The following CCDC146 variants were observed in gnomAD, a reference collection of about 807,000 sequenced individuals.
CCDC146 encodes the protein coiled-coil domain-containing protein 146.
A neutral mutation model predicts 119.3 loss-of-function variants in CCDC146; 92 were observed. The observed-to-expected ratio is 0.77, with a 90% confidence interval of 0.65 to 0.92. CCDC146 has a LOEUF of 0.92. CCDC146 is among the 40% of genes least tolerant of loss of function. CCDC146 has a pLI of 0.00. For synonymous variants in CCDC146, 372 were observed against 371.8 expected (o/e 1.00, Z -0.01); for missense variants, 1,000 against 1,103.0 (o/e 0.91, Z 1.32).
intron 9 of CCDC146, among the ~76,000 whole-genome samples, chr7:77,263,020 A>G (rs1434072477): frequency 6.6e-6 from 1 of 152,210 alleles, no homozygotes; most frequent in Non-Finnish European, 1.5e-5. Context: ...TGAAGCAGCT[A>G]GGTGTATAGA....
chr7:77,206,671 A>G (rs1306993958), intron 2 of CCDC146, among the ~76,000 whole-genome samples: 2 of 148,308 alleles, frequency 1.3e-5, no homozygotes, highest in Non-Finnish European at 3.0e-5. Context: ...ATATATATAT[A>G]TACACACACA....
chr7:77,143,848 G>A (rs1355137337), intron 1 of CCDC146, among the ~76,000 whole-genome samples: 12 of 151,732 alleles, frequency 7.9e-5, no homozygotes, highest in East Asian at 1.9e-4. Context: ...GTAAGGTAGC[G>A]TGATGCCTCC....
In CCDC146 at chr7:77,280,533, A is replaced by G; in HGVS notation, c.1799A>G (p.Glu600Gly). The G allele has an allele frequency of 6.2e-7, 1 of 1,614,204 alleles. No individual in the cohort carries two copies. The highest frequency in any genetic ancestry group is 1.1e-5 in the South Asian group (1 of 91,078). Reference sequence around the variant, plus strand: ...GTATCAAAACTTCAGGAAATGAAAGAAAAGAAGGAAGCCCAGTTAAATAAC... The same window carrying G: ...GTATCAAAACTTCAGGAAATGAAAGGAAAGAAGGAAGCCCAGTTAAATAAC... ...KIVSKLQEMKEKKEAQLNNID... is the reference protein window; with the variant it reads ...KIVSKLQEMKGKKEAQLNNID... The change falls in exon 14 of 19, where the codon GAA (glutamate) becomes GGA (glycine). Residue 600 changes from glutamate (E) to glycine (G), a missense_variant. Glu to Gly is a moderately conservative substitution (Grantham distance 98, BLOSUM62 -2). Transcript: ENST00000285871.
At chr7:77,167,949 T>G (rs1454769200) in intron 2 of CCDC146, 125 bp downstream of exon 2, 1 of 1,280,066 alleles carries the variant, frequency 7.8e-7, no homozygotes, top group Non-Finnish European at 1.0e-6. Context: ...TATTTACAAC[T>G]TGATACACTA....
chr7:77,127,224 G>A (rs1359585889), intron 1 of CCDC146, among the ~76,000 whole-genome samples: 1 of 152,148 alleles, frequency 6.6e-6, no homozygotes, highest in East Asian at 1.9e-4. Context: ...CATGTTGTGG[G>A]AGGCCCAGGT....
At chr7:77,127,296 G>A (rs1562809333) in intron 1 of CCDC146, among the ~76,000 whole-genome samples, 1 of 152,108 alleles carries the variant, frequency 6.6e-6, no homozygotes, top group Non-Finnish European at 1.5e-5. Flanking sequence ...CCTGTTCCCA[G>A]CCCCACTTCA....
intron 1 of CCDC146, among the ~76,000 whole-genome samples, chr7:77,123,283 G>T (rs1324033317): frequency 2.0e-5 from 3 of 150,910 alleles, no homozygotes; most frequent in African/African-American, 7.3e-5. Flanking sequence ...ATGGTGCGGT[G>T]GAAAGAGCAG....
At chr7:77,237,176 C>T in intron 3 of CCDC146, 147 bp downstream of exon 3, 1 of 648,092 alleles carries the variant, frequency 1.5e-6, no homozygotes, top group Non-Finnish European at 2.8e-6. Context: ...TACGAGAAAG[C>T]ATCGTGAGAG....
chr7:77,154,181 G>A (rs1791147377), intron 1 of CCDC146, among the ~76,000 whole-genome samples: 2 of 152,110 alleles, frequency 1.3e-5, no homozygotes, highest in South Asian at 4.1e-4. Flanking sequence ...TGCTGTACGA[G>A]ATAATTTTTA....
intron 2 of CCDC146, among the ~76,000 whole-genome samples, chr7:77,186,175 A>C (rs1791663553): frequency 6.6e-6 from 1 of 152,220 alleles, no homozygotes; most frequent in South Asian, 2.1e-4. Context: ...CAGTGTATCA[A>C]AGATACATCT....
At chr7:77,195,078 T>G (rs1791840177) in intron 2 of CCDC146, 1 of 152,194 alleles carries the variant, frequency 6.6e-6, no homozygotes, top group Non-Finnish European at 1.5e-5. Flanking sequence ...AGTGAATCAC[T>G]TAATGATATT....
At chr7:77,128,916 G>C (rs1456717857) in intron 1 of CCDC146, among the ~76,000 whole-genome samples, 2 of 151,996 alleles carry the variant, frequency 1.3e-5, no homozygotes, top group African/African-American at 4.8e-5. Flanking sequence ...ATAACAAAAG[G>C]GGCCCACAAA....
intron 2 of CCDC146, among the ~76,000 whole-genome samples, chr7:77,219,121 T>A (rs1353785398): frequency 2.6e-5 from 4 of 152,156 alleles, no homozygotes; most frequent in Non-Finnish European, 5.9e-5. Flanking sequence ...AAACTATCAG[T>A]AACAACTGGA....
At chr7:77,286,385 C>A (rs1438792436) in intron 15 of CCDC146, among the ~76,000 whole-genome samples, 1 of 152,166 alleles carries the variant, frequency 6.6e-6, no homozygotes, top group Non-Finnish European at 1.5e-5. Flanking sequence ...TCTCACCCAG[C>A]CCCACCACCA....
At chr7:77,126,961 G>A (rs1415169674) in intron 1 of CCDC146, among the ~76,000 whole-genome samples, 1 of 152,030 alleles carries the variant, frequency 6.6e-6, no homozygotes, top group South Asian at 2.1e-4. Context: ...TCTGCCTCCC[G>A]CTGCCATTCA....
chr7:77,250,060 C>T (rs1793029129), intron 4 of CCDC146, among the ~76,000 whole-genome samples: 1 of 152,090 alleles, frequency 6.6e-6, no homozygotes, highest in Admixed American at 6.5e-5. Flanking sequence ...AACACTATAC[C>T]ACTTCAAGTA....
intron 2 of CCDC146, among the ~76,000 whole-genome samples, chr7:77,226,194 G>A (rs1010933708): frequency 1.3e-5 from 2 of 152,000 alleles, no homozygotes; most frequent in Admixed American, 6.6e-5. Context: ...TGGCCGTATT[G>A]TTTATTTCCA....
In CCDC146 at chr7:77,263,695, C is replaced by T. The variant is rs113240577; in HGVS notation, c.1173+1388C>T. 6.0e-3 allele frequency among the ~76,000 whole-genome samples: 910 copies of T among 152,230 alleles called. 7 individuals are homozygous for T. The highest frequency in any genetic ancestry group is 0.02 in the African/African-American group (843 of 41,550). ...TCCCAGCACTTTGGGAGGCCGAGGT[C>T]GGCAGATCACCTGAGGTCAGAAGTT... On this transcript the variant is annotated intron_variant, in intron 9 of 18. Transcript: ENST00000285871.
At chr7:77,149,446 T>C (rs973421997) in intron 1 of CCDC146, among the ~76,000 whole-genome samples, 6 of 152,124 alleles carry the variant, frequency 3.9e-5, no homozygotes, top group African/African-American at 1.4e-4. Flanking sequence ...AGAATTAAGT[T>C]TGAGGACTTA....
Sources: gnomAD v4.1 joint callset for allele counts (sites outside exome capture counted in the v4.1 genomes callset) on GRCh38, gnomAD v4.1.1 for gene constraint, MANE v1.5 for transcripts, NCBI Gene and HGNC (gene_info 2026-07-23, HGNC 2026-07-21) for gene names.